Variants in JAZF1 observed in about 807,000 individuals in gnomAD.
The protein encoded by JAZF1 is JAZF zinc finger 1, also known as juxtaposed with another zinc finger protein 1.
In JAZF1, 8 loss-of-function variants were observed where a neutral mutation model predicts 26.4. That is an observed-to-expected ratio of 0.30 (90% CI 0.18 to 0.55). The LOEUF is 0.55. JAZF1 is among the 20% of genes least tolerant of loss of function. JAZF1 has a pLI of 0.94. For missense variants in JAZF1, 199 were observed against 322.0 expected, an observed-to-expected ratio of 0.62 and a Z score of 2.92; for synonymous variants, 126 against 122.3, an observed-to-expected ratio of 1.03 and a Z score of -0.20.
At chr7:28,170,651 G>A (rs1562611399) in intron 1 of JAZF1, among the ~76,000 whole-genome samples, 2 of 152,150 alleles carry the variant, frequency 1.3e-5, no homozygotes, top group South Asian at 4.1e-4. Context: ...ACCTCAACCA[G>A]ACAACCGGCA....
chr7:28,073,752 A>C (rs149825749), intron 1 of JAZF1, among the ~76,000 whole-genome samples: 518 of 152,280 alleles, frequency 3.4e-3, no homozygotes, highest in Middle Eastern at 0.02. Flanking sequence ...TTTTCAAAGA[A>C]ACTCACCTAC....
intron 3 of JAZF1, chr7:27,844,316 CTCA>C (rs1217746346): frequency 6.6e-6 from 1 of 152,254 alleles, no homozygotes; most frequent in Non-Finnish European, 1.5e-5. Flanking sequence ...TATCCATTTC[CTCA>C]TGTTTTCCCA....
chr7:27,898,381 C>G (rs1395045098), intron 2 of JAZF1, among the ~76,000 whole-genome samples: 2 of 143,514 alleles, frequency 1.4e-5, no homozygotes, highest in Non-Finnish European at 3.0e-5. Context: ...GGCACGATCT[C>G]GGCTCACCTC....
chr7:27,900,441 T>C (rs541926507), intron 2 of JAZF1, among the ~76,000 whole-genome samples: 58 of 152,352 alleles, frequency 3.8e-4, no homozygotes, highest in Middle Eastern at 3.4e-3. Flanking sequence ...CTATATTCTG[T>C]ATAATGCAAA....
chr7:28,175,997 A>T (rs1374409135), intron 1 of JAZF1, among the ~76,000 whole-genome samples: 1 of 151,544 alleles, frequency 6.6e-6, no homozygotes, highest in African/African-American at 2.4e-5. Flanking sequence ...AAGTGCCCTG[A>T]TTTTTTTTTA....
At position 27,956,234 on chromosome 7, in the gene JAZF1, A is replaced by G. The variant is rs536060917; in HGVS notation, c.188+35675T>C. Among the ~76,000 whole-genome samples, 6 of 152,224 alleles carry G rather than the reference A, an allele frequency of 3.9e-5. No individual in the cohort carries two copies. The South Asian group carries it at 1.2e-3, about 32-fold the overall frequency. ...AACGTAGTGGAGGGGCTGATGTGGC[A>G]CCTGTGAATGTGCAGCTATCATTTC... On this transcript the variant is annotated intron_variant, in intron 2 of 4. Transcript: ENST00000283928.
intron 1 of JAZF1, among the ~76,000 whole-genome samples, chr7:28,112,569 G>C (rs1418929604): frequency 8.4e-5 from 12 of 142,568 alleles, no homozygotes; most frequent in Admixed American, 8.4e-4. Context: ...ATTGGTTTAA[G>C]ATAAGATCAA....
rs1423325809 is a variant in JAZF1, at chr7:28,139,917, GTT to G, written c.115+40544_115+40545del. Among the ~76,000 whole-genome samples the G allele has an allele frequency of 2.6e-5, 4 of 152,194 alleles. No individual in the cohort carries two copies. In the East Asian group the frequency reaches 7.7e-4, roughly 29 times the overall value. On this transcript the variant is annotated intron_variant, in intron 1 of 4. Coordinates refer to ENST00000283928, the MANE Select transcript of JAZF1 (RefSeq NM_175061.4). ...ACATGATAAAGTGGTGTGGAGGTAT[GTT>G]TAGAGTATATGTATTTGGGGAACAG...
At chr7:27,942,797 T>G (rs141940854) in intron 2 of JAZF1, among the ~76,000 whole-genome samples, 1 of 152,154 alleles carries the variant, frequency 6.6e-6, no homozygotes, top group South Asian at 2.1e-4. Flanking sequence ...TAAGGAACAA[T>G]CAACAATAAG....
chr7:28,027,309 T>C (rs1326026749), intron 1 of JAZF1, among the ~76,000 whole-genome samples: 2 of 152,204 alleles, frequency 1.3e-5, no homozygotes, highest in Non-Finnish European at 2.9e-5. Context: ...CCCTGGCCTG[T>C]TTCTGATCTC....
chr7:28,109,431 A>C (rs529946575), intron 1 of JAZF1, among the ~76,000 whole-genome samples: 1 of 152,230 alleles, frequency 6.6e-6, no homozygotes, highest in African/African-American at 2.4e-5. Context: ...CCTCTTCCTT[A>C]TTCAGGTAAC....
intron 3 of JAZF1, among the ~76,000 whole-genome samples, chr7:27,869,362 G>T (rs781642291): frequency 6.6e-6 from 1 of 152,182 alleles, no homozygotes; most frequent in Non-Finnish European, 1.5e-5. Context: ...CTTCCATTAG[G>T]TTCTGCCTGA....
chr7:28,035,313 C>CAAAAAAAAAAAATAAAAAAAAAA (rs1783268899), intron 1 of JAZF1, among the ~76,000 whole-genome samples: 1 of 27,470 alleles, frequency 3.6e-5, no homozygotes, highest in Non-Finnish European at 6.6e-5. Context: ...GACTCCATCT[C>CAAAAAAAAAAAATAAAAAAAAAA]AAAAAAAAAA....
chr7:27,879,536 T>C (rs1783732916), intron 3 of JAZF1, among the ~76,000 whole-genome samples: 1 of 152,184 alleles, frequency 6.6e-6, no homozygotes, highest in Admixed American at 6.5e-5. Flanking sequence ...TAGTATCATT[T>C]AGTATCTAAC....
Position 27,886,962 on chromosome 7 carries a change from G to C in JAZF1, c.385+8258C>G, listed in dbSNP as rs140360961. Among the ~76,000 whole-genome samples the C allele has an allele frequency of 3.5e-3, 537 of 152,290 alleles. 1 individual carries two copies. The highest frequency in any genetic ancestry group is 0.012 in the African/African-American group (519 of 41,552). On this transcript the variant is annotated intron_variant, in intron 3 of 4. Coordinates refer to ENST00000283928, the MANE Select transcript of JAZF1 (RefSeq NM_175061.4). ...CATGTACTTTGCAGGGACTTGAATG[G>C]AGCTGGAGGCCATCATCCTTAGGAA...
intron 1 of JAZF1, among the ~76,000 whole-genome samples, chr7:28,102,479 C>A (rs530479537): frequency 3.3e-5 from 5 of 152,152 alleles, no homozygotes; most frequent in African/African-American, 1.2e-4. Flanking sequence ...ATCACCATGA[C>A]CTTGCAAACC....
intron 1 of JAZF1, among the ~76,000 whole-genome samples, chr7:28,038,348 G>C (rs1014140386): frequency 1.6e-4 from 24 of 151,992 alleles, no homozygotes; most frequent in Non-Finnish European, 1.3e-4. Context: ...CATTTTTCAG[G>C]GTTTTATGAT....
At chr7:28,053,877 C>T (rs931211290) in intron 1 of JAZF1, among the ~76,000 whole-genome samples, 1 of 152,126 alleles carries the variant, frequency 6.6e-6, no homozygotes, top group Non-Finnish European at 1.5e-5. Flanking sequence ...CCCACCCCAC[C>T]TCACACCCCG....
chr7:28,168,144 A>C (rs946730882), intron 1 of JAZF1, among the ~76,000 whole-genome samples: 1 of 152,122 alleles, frequency 6.6e-6, no homozygotes, highest in Non-Finnish European at 1.5e-5. Flanking sequence ...GCACTTTGGG[A>C]GGCCGAGGCG....
Sources: gnomAD v4.1 joint callset for allele counts (sites outside exome capture counted in the v4.1 genomes callset) on GRCh38, gnomAD v4.1.1 for gene constraint, MANE v1.5 for transcripts, NCBI Gene and HGNC (gene_info 2026-07-23, HGNC 2026-07-21) for gene names.